Variants in GPD2 observed in about 807,000 individuals in gnomAD.
The protein encoded by GPD2 is glycerol-3-phosphate dehydrogenase 2.
GPD2 carries 54 observed loss-of-function variants against 82.4 expected under a neutral mutation model. The observed-to-expected ratio is 0.66, with a 90% CI of 0.53 to 0.82. The LOEUF (loss-of-function observed/expected upper bound fraction) is 0.82. Ranked by LOEUF, GPD2 falls within the 40% of genes least tolerant of loss-of-function variation. The probability of loss-of-function intolerance (pLI) is 0.00; values close to 1 mark genes in which losing one functional copy is unlikely to be tolerated. For missense variants in GPD2, 748 were observed against 896.2 expected (o/e 0.83, Z 2.11); for synonymous variants, 288 against 306.1 (o/e 0.94, Z 0.62).
At chr2:156,481,775 C>T (rs953812129) in intron 2 of GPD2, among the ~76,000 whole-genome samples, 1 of 151,956 alleles carries the variant, frequency 6.6e-6, no homozygotes, top group African/African-American at 2.4e-5. Context: ...TCATTGTGCC[C>T]GGCCTATTTC....
chr2:156,526,201 T>C (rs1685599748), intron 6 of GPD2, among the ~76,000 whole-genome samples: 2 of 152,204 alleles, frequency 1.3e-5, no homozygotes, highest in Admixed American at 1.3e-4. Context: ...CATACAGCCT[T>C]AGCCATCAAT....
At chr2:156,451,530 A>G (rs1396331994) in intron 1 of GPD2, among the ~76,000 whole-genome samples, 1 of 60,022 alleles carries the variant, frequency 1.7e-5, no homozygotes, top group African/African-American at 6.5e-5. Flanking sequence ...TGACCCCCCC[A>G]CCTCCCTCCC....
the GPD2 span, among the ~76,000 whole-genome samples, chr2:156,414,045 T>G: frequency 6.6e-6 from 1 of 152,330 alleles, no homozygotes; most frequent in African/African-American, 2.4e-5. Context: ...ATTCAGTCAC[T>G]TCTGCTTAAA....
chr2:156,451,179 C>T (rs1419476675), intron 1 of GPD2, among the ~76,000 whole-genome samples: 3 of 151,996 alleles, frequency 2.0e-5, no homozygotes, highest in Non-Finnish European at 4.4e-5. Context: ...AGCTGCTGGG[C>T]ACACCTCCCA....
intron 13 of GPD2, among the ~76,000 whole-genome samples, chr2:156,575,528 A>G (rs1173106209): frequency 2.7e-5 from 4 of 150,708 alleles, no homozygotes; most frequent in African/African-American, 7.3e-5. Flanking sequence ...TCAGCCTCCC[A>G]AGTAGCTGGG....
At chr2:156,545,961 G>C (rs1686515843) in intron 6 of GPD2, among the ~76,000 whole-genome samples, 3 of 152,110 alleles carry the variant, frequency 2.0e-5, no homozygotes, top group Admixed American at 2.0e-4. Context: ...TCTGTGCAAG[G>C]TCATTGAGGA....
intron 2 of GPD2, among the ~76,000 whole-genome samples, chr2:156,476,671 G>T (rs1361463869): frequency 6.6e-6 from 1 of 152,114 alleles, no homozygotes; most frequent in African/African-American, 2.4e-5. Context: ...CTTTGTGTTA[G>T]GTAAAAATTT....
At chr2:156,556,796 C>T (rs996874404) in intron 8 of GPD2, among the ~76,000 whole-genome samples, 2 of 152,030 alleles carry the variant, frequency 1.3e-5, no homozygotes, top group South Asian at 2.1e-4. Flanking sequence ...TTTGTAACCT[C>T]GAAATAAAGT....
chr2:156,540,357 T>C (rs2105320538), intron 6 of GPD2, among the ~76,000 whole-genome samples: 1 of 152,314 alleles, frequency 6.6e-6, no homozygotes. Context: ...AGCGTCGGAC[T>C]GGCAAAGCCA....
rs902670107 is a variant in GPD2 at position 156,518,879 on chromosome 2, G to A, written c.661+5383G>A. 1.4e-4 allele frequency among the ~76,000 whole-genome samples: 21 copies of A among 152,280 alleles called. 1 individual carries two copies. The South Asian group carries it at 4.3e-3, about 32-fold the overall frequency. ...ACTGAACAATGTGGATTTACAAACA[G>A]AATATTAATAGCAAGTCCTTTAAGC... On this transcript the variant is annotated intron_variant, in intron 6 of 16. Transcript: ENST00000438166.
chr2:156,500,087 C>T (rs1433701377), intron 3 of GPD2, among the ~76,000 whole-genome samples: 1 of 151,994 alleles, frequency 6.6e-6, no homozygotes, highest in Non-Finnish European at 1.5e-5. Flanking sequence ...TTTCCAGAGC[C>T]TGAAAGTTGA....
the GPD2 span, among the ~76,000 whole-genome samples, chr2:156,402,841 A>G: frequency 6.6e-6 from 1 of 152,100 alleles, no homozygotes; most frequent in Non-Finnish European, 1.5e-5. Flanking sequence ...TATTGTTTTT[A>G]ATTTTGAATC....
chr2:156,451,756 C>T (rs1200244208), intron 1 of GPD2, among the ~76,000 whole-genome samples: 4 of 150,690 alleles, frequency 2.7e-5, no homozygotes, highest in Non-Finnish European at 5.9e-5. Flanking sequence ...GACCCCCCCA[C>T]CTCCCTCCCA....
intron 9 of GPD2, 84 bp from the exon 10 acceptor site, chr2:156,568,741 C>T (rs865999672): frequency 1.5e-5 from 19 of 1,232,770 alleles, no homozygotes; most frequent in Middle Eastern, 2.6e-4. Flanking sequence ...TTCCTGTCAC[C>T]GAACTCTTTT....
the GPD2 span, among the ~76,000 whole-genome samples, chr2:156,422,308 G>T: frequency 6.6e-6 from 1 of 152,002 alleles, no homozygotes; most frequent in Non-Finnish European, 1.5e-5. Flanking sequence ...TGTTAAAAAA[G>T]AATCAACTGG....
At chr2:156,542,469 A>C (rs1016448605) in intron 6 of GPD2, among the ~76,000 whole-genome samples, 1 of 152,196 alleles carries the variant, frequency 6.6e-6, no homozygotes, top group East Asian at 1.9e-4. Flanking sequence ...TTTTATTTTG[A>C]GTTTCACCAG....
chr2:156,462,074 T>C (rs1479502705), intron 1 of GPD2, among the ~76,000 whole-genome samples: 7 of 152,224 alleles, frequency 4.6e-5, no homozygotes, highest in Admixed American at 4.6e-4. Flanking sequence ...AGCAGATGGA[T>C]TTTTTTGGTC....
the GPD2 span, among the ~76,000 whole-genome samples, chr2:156,416,485 C>A: frequency 6.7e-6 from 1 of 148,788 alleles, no homozygotes; most frequent in Non-Finnish European, 1.5e-5. Flanking sequence ...GAAGCTAGGA[C>A]TACAGGCATG....
At chr2:156,470,531 A>G (rs1683293486) in intron 1 of GPD2, among the ~76,000 whole-genome samples, 1 of 152,186 alleles carries the variant, frequency 6.6e-6, no homozygotes, top group South Asian at 2.1e-4. Flanking sequence ...CTAAATTTGT[A>G]TTTTGATAAG....
Sources: allele counts gnomAD v4.1 joint callset (sites outside exome capture counted in the v4.1 genomes callset), GRCh38; gene constraint gnomAD v4.1.1; transcripts MANE v1.5; gene names NCBI Gene and HGNC (gene_info 2026-07-23, HGNC 2026-07-21).